Variants in NCKAP1L observed in about 807,000 individuals in gnomAD.
The protein encoded by NCKAP1L is NCK associated protein 1 like, also known as nck-associated protein 1-like.
Under a neutral mutation model 139.2 loss-of-function variants are expected in NCKAP1L, and 53 were observed. The ratio of observed to expected loss-of-function variants is 0.38; its 90% confidence interval spans 0.31 to 0.48. The LOEUF (loss-of-function observed/expected upper bound fraction) is 0.48. Ranked by LOEUF, NCKAP1L falls within the 20% of genes least tolerant of loss-of-function variation. NCKAP1L has a pLI of 0.98. For missense variants in NCKAP1L, 1,151 were observed against 1,381.9 expected (o/e 0.83, Z 2.65); for synonymous variants, 468 against 499.7 (o/e 0.94, Z 0.85).
At chr12:54,499,718 T>C (rs1956781632) in intron 2 of NCKAP1L, among the ~76,000 whole-genome samples, 1 of 152,224 alleles carries the variant, frequency 6.6e-6, no homozygotes. Context: ...GCAAGATTCA[T>C]GGGAAAACAT....
Position 54,516,904 on chromosome 12 carries a change from T to C in NCKAP1L, c.1007T>C (p.Phe336Ser). The change falls in exon 11 of 31, where the codon TTT becomes TCT. Residue 336 changes from phenylalanine to serine, a missense_variant. Coordinates refer to ENST00000293373, the MANE Select transcript of NCKAP1L (RefSeq NM_005337.5). ...CCCCTTTTCTTCCTTAGTGGCCAGT[T>C]TCATTGTCAACGGCGGCAATTTCTG... ...KEHVIANSGQ[F>S]HCQRRQFLRM... The C allele has an allele frequency of 6.2e-7, 1 of 1,612,124 alleles. No individual in the cohort carries two copies. Among genetic ancestry groups the C allele is most frequent in the Non-Finnish European group, 8.5e-7 (1 of 1,178,782 alleles).
chr12:54,542,193 C>T (rs1272506632), intron 30 of NCKAP1L, among the ~76,000 whole-genome samples: 1 of 152,166 alleles, frequency 6.6e-6, no homozygotes, highest in East Asian at 1.9e-4. Flanking sequence ...GTGTTTGTTT[C>T]TCTTGCTGCA....
chr12:54,516,960 T>C lies in NCKAP1L; in HGVS notation c.1063T>C (p.Leu355=). ...RMAVKELETV[L]ADEPGLLGPK... ...GGCAGTGAAGGAGCTGGAGACTGTG[T>C]TGGCTGATGAACCGGGACTACTGGG... The change falls in exon 11 of 31, where the codon TTG becomes CTG. Residue 355 remains leucine (L), a synonymous_variant. Coordinates refer to ENST00000293373, the MANE Select transcript of NCKAP1L (RefSeq NM_005337.5). The C allele has an allele frequency of 6.2e-7, 1 of 1,612,788 alleles. No homozygotes were observed. Among genetic ancestry groups the C allele is most frequent in the Non-Finnish European group, 8.5e-7 (1 of 1,179,134 alleles).
intron 3 of NCKAP1L, among the ~76,000 whole-genome samples, chr12:54,504,052 C>T (rs1221568736): frequency 6.6e-6 from 1 of 151,756 alleles, no homozygotes; most frequent in Non-Finnish European, 1.5e-5. Context: ...GTAAGATGTC[C>T]CTAAAATGTA....
Position 54,535,178 on chromosome 12 carries a change from C to T in NCKAP1L, c.2937C>T (p.Ala979=), listed in dbSNP as rs148237652. 1 of 1,613,340 alleles carries T rather than the reference C, an allele frequency of 6.2e-7. No homozygotes were observed. Among genetic ancestry groups the T allele is most frequent in the Non-Finnish European group, 8.5e-7 (1 of 1,179,674 alleles). The part of the protein sequence containing the change: ...GCDIDPALVA[A]IANLKADTSS... Reference sequence around the variant, plus strand: ...ACATTGACCCAGCCTTGGTGGCTGCCATTGCTAATCTGAAAGCTGGTAAGA... The same window carrying T: ...ACATTGACCCAGCCTTGGTGGCTGCTATTGCTAATCTGAAAGCTGGTAAGA... The change falls in exon 27 of 31, where the codon GCC becomes GCT. Residue 979 remains alanine (A), a synonymous_variant. Coordinates refer to ENST00000293373, the MANE Select transcript of NCKAP1L (RefSeq NM_005337.5).
chr12:54,499,310 A>G, intron 1 of NCKAP1L, 45 bp from the exon 2 acceptor site: 1 of 1,046,464 alleles, frequency 9.6e-7, no homozygotes, highest in South Asian at 1.3e-5. Flanking sequence ...TATGTTTCTG[A>G]GGAGGAGGAG....
At chr12:54,532,112 T>C in intron 25 of NCKAP1L, 58 bp from the exon 26 acceptor site, 1 of 1,245,918 alleles carries the variant, frequency 8.0e-7, no homozygotes, top group Admixed American at 2.3e-5. Context: ...TATTTCTACC[T>C]ATTTTTGAAG....
Position 54,519,167 on chromosome 12 carries a change from T to C in NCKAP1L, c.1480-20T>C. ...TCATTCATCTTATTTTTCTCCACACTTTCCCAACTCCAACCGCAGGCATAC... is the reference window on the plus strand; with the variant it reads ...TCATTCATCTTATTTTTCTCCACACCTTCCCAACTCCAACCGCAGGCATAC... On this transcript the variant is annotated intron_variant, in intron 15 of 30. Transcript: ENST00000293373. 1 of 1,554,064 alleles carries C rather than the reference T, an allele frequency of 6.4e-7. No individual in the cohort carries two copies. The highest frequency in any genetic ancestry group is 8.6e-7 in the Non-Finnish European group (1 of 1,156,110).
intron 2 of NCKAP1L, 62 bp from the exon 3 acceptor site, chr12:54,500,471 G>C (rs2120867284): frequency 1.7e-6 from 2 of 1,163,352 alleles, no homozygotes; most frequent in East Asian, 4.7e-5. Context: ...TTCTTCTTGA[G>C]TTATTTGGAT....
At chr12:54,529,457 G>T (rs74091310) in intron 22 of NCKAP1L, among the ~76,000 whole-genome samples, 2 of 152,080 alleles carry the variant, frequency 1.3e-5, no homozygotes, top group African/African-American at 2.4e-5. Flanking sequence ...AATCAGGGAC[G>T]CTGCATAGTA....
intron 1 of NCKAP1L, chr12:54,498,948 C>T (rs1003858693): frequency 4.8e-4 from 36 of 75,758 alleles, no homozygotes; most frequent in African/African-American, 3.9e-3. Flanking sequence ...TATTTATTTT[C>T]GGAGTCTCGC....
rs1177243614 is a variant in NCKAP1L, at chr12:54,537,061, G to A, written c.3183+8G>A. On this transcript the variant is annotated splice_region_variant and intron_variant, in intron 29 of 30. Coordinates refer to ENST00000293373, the MANE Select transcript of NCKAP1L (RefSeq NM_005337.5). ...CTCAAGGAATTTCTGGTGGTGAGTGGGTCTAGGTTATAAAGAATGGAAGAT... is the reference window on the plus strand; with the variant it reads ...CTCAAGGAATTTCTGGTGGTGAGTGAGTCTAGGTTATAAAGAATGGAAGAT... 6.4e-7 allele frequency: 1 copy of A among 1,566,234 alleles called. No homozygotes were observed. Among genetic ancestry groups the A allele is most frequent in the Admixed American group, 1.7e-5 (1 of 59,936 alleles).
At chr12:54,520,863 A>G (rs371964056) in intron 17 of NCKAP1L, 37 bp downstream of exon 17, 18 of 1,613,248 alleles carry the variant, frequency 1.1e-5, no homozygotes, top group South Asian at 3.3e-5. Context: ...TCATCTTTCT[A>G]GTCATCATCC....
At chr12:54,498,399 T>TTGTGTGTGTGTGTG (rs766272206) in intron 1 of NCKAP1L, among the ~76,000 whole-genome samples, 21,399 of 142,016 alleles carry the variant, frequency 0.15, 2,005 homozygotes, top group Non-Finnish European at 0.23. Context: ...GCTGTGGTGG[T>TTGTGTGTGTGTGTG]TGTGTGTGTG....
intron 26 of NCKAP1L, 100 bp downstream of exon 26, chr12:54,532,350 A>G: frequency 1.1e-6 from 1 of 878,542 alleles, no homozygotes; most frequent in African/African-American, 1.7e-5. Flanking sequence ...GAAGAACACC[A>G]TAGGGATAAG....
intron 27 of NCKAP1L, among the ~76,000 whole-genome samples, chr12:54,535,859 C>T (rs1957109803): frequency 6.6e-6 from 1 of 152,190 alleles, no homozygotes; most frequent in Non-Finnish European, 1.5e-5. Context: ...CCTAGGGTTG[C>T]ATTGTACATC....
chr12:54,506,796 A>AAAAAAATATATATATATATATAT, intron 3 of NCKAP1L, among the ~76,000 whole-genome samples: 30 of 50,598 alleles, frequency 5.9e-4, no homozygotes, highest in African/African-American at 1.3e-3. Flanking sequence ...AAAAAAAAAA[A>AAAAAAATATATATATATATATAT]ATATATATAT....
chr12:54,521,557 T>C (rs1956983692), intron 18 of NCKAP1L, among the ~76,000 whole-genome samples: 1 of 152,210 alleles, frequency 6.6e-6, no homozygotes, highest in Non-Finnish European at 1.5e-5. Flanking sequence ...CTCTTTGCCC[T>C]GCGTACACAT....
At chr12:54,517,142 C>A (rs1956939801) in intron 11 of NCKAP1L, 150 bp downstream of exon 11, 6 of 660,504 alleles carry the variant, frequency 9.1e-6, no homozygotes, top group Non-Finnish European at 1.3e-5. Flanking sequence ...TGGAGTATCC[C>A]AAAACCTTTT....
Sources: allele counts gnomAD v4.1 joint callset (sites outside exome capture counted in the v4.1 genomes callset), GRCh38; gene constraint gnomAD v4.1.1; transcripts MANE v1.5; gene names NCBI Gene and HGNC (gene_info 2026-07-23, HGNC 2026-07-21).